ARID3A: variants seen among roughly 807,000 people sequenced by gnomAD.
ARID3A encodes the protein AT-rich interactive domain-containing protein 3A.
A neutral mutation model predicts 52.7 loss-of-function variants in ARID3A; 11 were observed. The observed-to-expected ratio is 0.21, with a 90% CI of 0.13 to 0.35. The LOEUF is 0.35. Among genes scored for constraint, ARID3A ranks in the 10% least tolerant of loss-of-function variants. The probability of loss-of-function intolerance (pLI) is 1.00; values close to 1 mark genes in which losing one functional copy is unlikely to be tolerated. For missense variants in ARID3A, 721 were observed against 838.5 expected (o/e 0.86, Z 1.73); for synonymous variants, 404 against 359.4 (o/e 1.12, Z -1.40).
intron 3 of ARID3A, among the ~76,000 whole-genome samples, chr19:936,694 T>A (rs1449611225): frequency 6.6e-6 from 1 of 151,820 alleles, no homozygotes; most frequent in Non-Finnish European, 1.5e-5. Context: ...TATAAAAAAT[T>A]AGCCGGGCGT....
At position 932,469 on chromosome 19, in the gene ARID3A, GGAGGAGGAGGAGGAGGATTAC is replaced by G; in HGVS notation, c.426_446del (p.Glu142_Glu148del). On this transcript the variant is annotated inframe_deletion, in exon 3 of 9. Transcript: ENST00000263620. The stretch of plus-strand genomic sequence containing the variant: ...TGGAGGAAGACCTCGGGGAGGATGA[GGAGGAGGAGGAGGAGGATTAC>G]GAGGATGAGGAGGAGGAGGAGGACG... The G allele has an allele frequency of 8.5e-7, 1 of 1,178,136 alleles. No homozygotes were observed. The highest frequency in any genetic ancestry group is 1.1e-6 in the Non-Finnish European group (1 of 884,752). 73.0% of individuals were successfully genotyped at this position (1,178,136 alleles called of 1,614,324 possible).
rs1444475421 is a variant in ARID3A, at chr19:966,231, G to A, written c.1199-341G>A. Among the ~76,000 whole-genome samples the A allele has an allele frequency of 3.3e-5, 5 of 151,182 alleles. No individual in the cohort carries two copies. In the East Asian group the frequency reaches 5.9e-4, roughly 18 times the overall value. On this transcript the variant is annotated intron_variant, in intron 6 of 8. Transcript: ENST00000263620. ...TCCCAGCACTTTGGGAGGCCGAGGC[G>A]GGCGGATCACCTGAGGTCAGGAGTT... is the stretch of plus-strand genomic sequence containing the variant.
rs566024279 is a variant in ARID3A at position 944,547 on chromosome 19, C to T, written c.693+11805C>T. Among the ~76,000 whole-genome samples, 25 of 152,148 alleles carry T rather than the reference C, an allele frequency of 1.6e-4. No homozygotes were observed. The highest frequency in any genetic ancestry group is 3.2e-3 in the Middle Eastern group (1 of 316). ...AATGTGGGTCTTCCGGGCAAGTGAGCGTCCCCCACCCAGGACCCCCGACCC... is the reference window on the plus strand; with the variant it reads ...AATGTGGGTCTTCCGGGCAAGTGAGTGTCCCCCACCCAGGACCCCCGACCC... On this transcript the variant is annotated intron_variant, in intron 3 of 8. Transcript: ENST00000263620. This position sits in a 1 kb window ranked among gnomAD's most constrained non-coding sequence, Gnocchi z 5.9.
intron 3 of ARID3A, among the ~76,000 whole-genome samples, chr19:935,096 C>T (rs2037412034): frequency 1.3e-5 from 2 of 152,232 alleles, no homozygotes; most frequent in South Asian, 4.1e-4. Context: ...CCACCCCCTT[C>T]CTGGCACGTG....
chr19:940,927 G>T (rs10404331), intron 3 of ARID3A, among the ~76,000 whole-genome samples: 35,069 of 151,810 alleles, frequency 0.23, 5,085 homozygotes, highest in East Asian at 0.47. Flanking sequence ...GGGGTGGGTG[G>T]GTGCCCGCCA....
Position 966,959 on chromosome 19 carries a change from A to G in ARID3A, c.1495+91A>G, listed in dbSNP as rs554138236. ...CTACATATGTAAAGAGTGCCAACAA[A>G]TCAATAAGAAAAAAAAAGCCGGGTG... On this transcript the variant is annotated intron_variant, in intron 7 of 8. Transcript: ENST00000263620. 56 of 1,326,146 alleles carry G rather than the reference A, an allele frequency of 4.2e-5. No homozygotes were observed. In the African/African-American group the frequency reaches 1.1e-3, roughly 27 times the overall value. 82.1% of individuals were successfully genotyped at this position (1,326,146 alleles called of 1,614,324 possible). A position where few individuals can be genotyped will look rare whatever the true frequency, so the allele number is the denominator to read the frequency against.
rs950917776 is a variant in ARID3A, at chr19:975,737, AAAAAAAAAAAAAAAGACAAAAAGACC to A, written c.*3688_*3713del. 29 of 117,374 alleles carry A rather than the reference AAAAAAAAAAAAAAAGACAAAAAGACC, an allele frequency of 2.5e-4. No individual in the cohort carries two copies. Among genetic ancestry groups the A allele is most frequent in the Non-Finnish European group, 4.2e-4 (26 of 62,090 alleles). 7.3% of individuals were successfully genotyped at this position (117,374 alleles called of 1,614,324 possible). A position where few individuals can be genotyped will look rare whatever the true frequency, so the allele number is the denominator to read the frequency against. ...CGCAGAACATTCAGGTATTAAAAGG[AAAAAAAAAAAAAAAGACAAAAAGACC>A]AAAAAAAAAAAAAAGTGTGATTTTG... On this transcript the variant is annotated 3_prime_UTR_variant, in exon 9 of 9. Coordinates refer to ENST00000263620, the MANE Select transcript of ARID3A (RefSeq NM_005224.3).
In ARID3A at chr19:974,743, G is replaced by C. The variant is rs948028247; in HGVS notation, c.*2678G>C. Reference sequence around the variant, plus strand: ...GGGTCGTCTCCCTCGGGCTGCGTGTGTGTGTCGGGAATCCTGCGTGTCGTG... The same window carrying C: ...GGGTCGTCTCCCTCGGGCTGCGTGTCTGTGTCGGGAATCCTGCGTGTCGTG... On this transcript the variant is annotated 3_prime_UTR_variant, in exon 9 of 9. Transcript: ENST00000263620. The C allele has an allele frequency of 4.3e-6, 1 of 231,372 alleles. No individual in the cohort carries two copies. The highest frequency in any genetic ancestry group is 8.6e-6 in the Non-Finnish European group (1 of 116,958). The allele number at this position is 231,372 out of a possible 1,614,324, so 14.3% of individuals were successfully genotyped here. A position where few individuals can be genotyped will look rare whatever the true frequency, so the allele number is the denominator to read the frequency against.
rs140658511 is a variant in ARID3A at position 964,652 on chromosome 19, C to T, written c.951-181C>T. 5.3e-3 allele frequency among the ~76,000 whole-genome samples: 806 copies of T among 152,128 alleles called. 2 individuals are homozygous for T. The highest frequency in any genetic ancestry group is 9.0e-3 in the Non-Finnish European group (613 of 67,990). On this transcript the variant is annotated intron_variant, in intron 5 of 8. Transcript: ENST00000263620. This position sits in a 1 kb window ranked among gnomAD's most constrained non-coding sequence, Gnocchi z 5.7. ...GGGGTTGTGCAATCAGGGGCCATTG[C>T]GAGGAACAGCATTGAGATGGAGGGA...
At position 938,999 on chromosome 19, in the gene ARID3A, C is replaced by T. The variant is rs1055532613; in HGVS notation, c.693+6257C>T. 4.5e-4 allele frequency among the ~76,000 whole-genome samples: 67 copies of T among 148,524 alleles called. No homozygotes were observed. The highest frequency in any genetic ancestry group is 1.6e-3 in the African/African-American group (64 of 40,122). On this transcript the variant is annotated intron_variant, in intron 3 of 8. Transcript: ENST00000263620. The surrounding 1 kb of genome is among the most constrained non-coding windows in gnomAD (Gnocchi z 4.0). ...AGGCTGCAGTGCAATGGTGCAATCTCAGCTCACTGCAACCTCTGCTTACTG... is the reference window on the plus strand; with the variant it reads ...AGGCTGCAGTGCAATGGTGCAATCTTAGCTCACTGCAACCTCTGCTTACTG...
intron 8 of ARID3A, among the ~76,000 whole-genome samples, chr19:970,249 G>T (rs533696753): frequency 6.6e-6 from 1 of 151,866 alleles, no homozygotes; most frequent in African/African-American, 2.4e-5. Context: ...GGAGGCGAAG[G>T]TTGCAGTGAG....
chr19:938,036 G>C lies in ARID3A; in HGVS notation c.693+5294G>C, dbSNP rs749345575. On this transcript the variant is annotated intron_variant, in intron 3 of 8. Transcript: ENST00000263620. This position sits in a 1 kb window ranked among gnomAD's most constrained non-coding sequence, Gnocchi z 4.0. Reference sequence around the variant, plus strand: ...TTTTTGTATTTTTAGTAGAGACGGGGTTTCACCGTGTTGGGCAGGGTGGTC... The same window carrying C: ...TTTTTGTATTTTTAGTAGAGACGGGCTTTCACCGTGTTGGGCAGGGTGGTC... Among the ~76,000 whole-genome samples the C allele has an allele frequency of 6.6e-5, 10 of 151,860 alleles. No individual in the cohort carries two copies. The highest frequency in any genetic ancestry group is 1.3e-4 in the Admixed American group (2 of 15,228).
chr19:964,286 G>C lies in ARID3A; in HGVS notation c.805G>C (p.Val269Leu). 1.2e-6 allele frequency: 2 copies of C among 1,614,050 alleles called. No individual in the cohort carries two copies. Among genetic ancestry groups the C allele is most frequent in the Non-Finnish European group, 1.7e-6 (2 of 1,179,950 alleles). Residue 269 changes from valine to leucine, a missense_variant, in exon 5 of 9, where the codon GTC becomes CTC. By Grantham distance (32) the Val-to-Leu change is conservative. Around this residue, in one of 5 missense-constraint regions of ARID3A, gnomAD observed 43 missense variants for 143.7 expected, o/e 0.30. Transcript: ENST00000263620. The surrounding 1 kb of genome is among the most constrained non-coding windows in gnomAD (Gnocchi z 5.7). Reference protein sequence around the residue: ...VNRIPIMAKQVLDLFMLYVLV... With the variant: ...VNRIPIMAKQLLDLFMLYVLV... ...CCGCATCCCCATCATGGCCAAACAG[G>C]TCCTTGACCTGTTCATGCTGTACGT...
intron 6 of ARID3A, among the ~76,000 whole-genome samples, chr19:965,577 C>T (rs189314098): frequency 1.3e-5 from 2 of 151,874 alleles, no homozygotes; most frequent in Admixed American, 1.3e-4. Flanking sequence ...ACCTGTGGTC[C>T]CAGCTACCCA....
rs763590151 is a variant in ARID3A, at chr19:941,809, CA to C, written c.693+9068del. On this transcript the variant is annotated intron_variant, in intron 3 of 8. Transcript: ENST00000263620. This position sits in a 1 kb window ranked among gnomAD's most constrained non-coding sequence, Gnocchi z 6.9. ...TGTGTGTGTGTGTGTGTGTGTGTGTCAGGGGTGGCTGCAAGCGTATGTGTGT... is the reference window on the plus strand; with the variant it reads ...TGTGTGTGTGTGTGTGTGTGTGTGTCGGGGTGGCTGCAAGCGTATGTGTGT... Among the ~76,000 whole-genome samples the C allele has an allele frequency of 4.1e-4, 50 of 122,140 alleles. 1 individual carries two copies. Among genetic ancestry groups the C allele is most frequent in the Non-Finnish European group, 6.5e-4 (39 of 59,834 alleles). The allele number at this position is 122,140 out of a possible 152,430, so 80.1% of individuals were successfully genotyped here. A position where few individuals can be genotyped will look rare whatever the true frequency, so the allele number is the denominator to read the frequency against.
At chr19:967,373 G>A (rs146032808) in intron 7 of ARID3A, among the ~76,000 whole-genome samples, 75 of 152,196 alleles carry the variant, frequency 4.9e-4, no homozygotes, top group African/African-American at 1.8e-3. Context: ...TTTGAGATCA[G>A]CCTGAGCAAC....
chr19:946,523 C>G (rs1412818246), intron 3 of ARID3A, among the ~76,000 whole-genome samples: 4 of 147,278 alleles, frequency 2.7e-5, no homozygotes, highest in Non-Finnish European at 5.9e-5. Context: ...TCACTGCAAG[C>G]TCCGCCTCCC....
chr19:963,072 G>A (rs1379224410), intron 4 of ARID3A, among the ~76,000 whole-genome samples: 1 of 152,192 alleles, frequency 6.6e-6, no homozygotes, highest in East Asian at 1.9e-4. Flanking sequence ...GGTGGGAGGT[G>A]TTTCTGGAAG....
Position 932,566 on chromosome 19 carries a change from T to C in ARID3A, c.517T>C (p.Phe173Leu), listed in dbSNP as rs2145355938. ...TGCCAGCTTGGGCACCACGGCACTG[T>C]TCCCCCGAAAGGCCCAGCCACCCCA... ...GPASLGTTAL[F>L]PRKAQPPQAF... Residue 173 changes from phenylalanine to leucine, a missense_variant, in exon 3 of 9, where the codon TTC (phenylalanine) becomes CTC (leucine). Physicochemically the swap from Phe to Leu is conservative, Grantham distance 22. Coordinates refer to ENST00000263620, the MANE Select transcript of ARID3A (RefSeq NM_005224.3). 1 of 1,505,750 alleles carries C rather than the reference T, an allele frequency of 6.6e-7. No homozygotes were observed. Among genetic ancestry groups the C allele is most frequent in the South Asian group, 1.3e-5 (1 of 78,454 alleles). The allele number at this position is 1,505,750 out of a possible 1,614,324, so 93.3% of individuals were successfully genotyped here.
Sources: allele counts gnomAD v4.1 joint callset (sites outside exome capture counted in the v4.1 genomes callset), GRCh38; gene constraint gnomAD v4.1.1; regional missense constraint gnomAD v4.1.1; non-coding constraint Gnocchi (gnomAD v3.1); transcripts MANE v1.5; gene names NCBI Gene and HGNC (gene_info 2026-07-23, HGNC 2026-07-21).